KANSL1L: variants seen among roughly 807,000 people sequenced by gnomAD.
The protein encoded by KANSL1L is KAT8 regulatory NSL complex subunit 1 like.
A neutral mutation model predicts 108.6 loss-of-function variants in KANSL1L; 25 were observed. The ratio of observed to expected loss-of-function variants is 0.23; its 90% confidence interval spans 0.17 to 0.32. The LOEUF (loss-of-function observed/expected upper bound fraction) is 0.32, where lower values mean the gene tolerates loss of function less well. KANSL1L is among the 10% of genes least tolerant of loss of function. The pLI is 1.00. For missense variants in KANSL1L, 1,137 were observed against 1,125.7 expected, an observed-to-expected ratio of 1.01 and a Z score of -0.14; for synonymous variants, 405 against 395.1, an observed-to-expected ratio of 1.03 and a Z score of -0.30.
Position 210,022,838 on chromosome 2 carries a change from T to G in KANSL1L, c.*111A>C, listed in dbSNP as rs969324722. On this transcript the variant is annotated 3_prime_UTR_variant, in exon 15 of 15. Coordinates refer to ENST00000281772, the MANE Select transcript of KANSL1L (RefSeq NM_152519.4). ...CCTGTTTCATAAACAGCATAAAAGA[T>G]TAATACATGCAGAACATGCTCTTAT... 9 of 739,320 alleles carry G rather than the reference T, an allele frequency of 1.2e-5. No individual in the cohort carries two copies. In the African/African-American group the frequency reaches 1.6e-4, roughly 13 times the overall value. The allele number at this position is 739,320 out of a possible 1,614,324, so 45.8% of individuals were successfully genotyped here.
intron 3 of KANSL1L, among the ~76,000 whole-genome samples, chr2:210,105,672 A>T (rs1481890162): frequency 2.0e-5 from 3 of 151,840 alleles, no homozygotes; most frequent in Admixed American, 1.3e-4. Flanking sequence ...GCACATATTC[A>T]GTTATGGTAT....
chr2:210,112,131 C>T (rs536459763), intron 3 of KANSL1L, among the ~76,000 whole-genome samples: 2 of 152,170 alleles, frequency 1.3e-5, no homozygotes, highest in East Asian at 3.9e-4. Context: ...TCCAGACTAT[C>T]GTTGTTGGAC....
intron 3 of KANSL1L, among the ~76,000 whole-genome samples, chr2:210,110,582 T>C (rs2094894161): frequency 1.3e-5 from 2 of 152,114 alleles, no homozygotes; most frequent in Non-Finnish European, 2.9e-5. Context: ...AAGACAGAAT[T>C]AGCAAATTAA....
chr2:210,113,288 T>C (rs2094926028), intron 3 of KANSL1L, among the ~76,000 whole-genome samples: 1 of 152,072 alleles, frequency 6.6e-6, no homozygotes, highest in Non-Finnish European at 1.5e-5. Flanking sequence ...TTAAAACAAC[T>C]GCACCAATGG....
intron 1 of KANSL1L, among the ~76,000 whole-genome samples, chr2:210,161,409 T>C (rs1263500826): frequency 6.6e-6 from 1 of 152,222 alleles, no homozygotes; most frequent in Non-Finnish European, 1.5e-5. Flanking sequence ...ACGTATTTCA[T>C]ACCTTATATA....
intron 6 of KANSL1L, among the ~76,000 whole-genome samples, chr2:210,049,829 C>T (rs538077611): frequency 6.6e-6 from 1 of 152,308 alleles, no homozygotes; most frequent in Admixed American, 6.5e-5. Context: ...ATTTTCATTT[C>T]TGCCCATGAA....
At chr2:210,123,366 C>A (rs951685056) in intron 3 of KANSL1L, among the ~76,000 whole-genome samples, 3 of 152,038 alleles carry the variant, frequency 2.0e-5, no homozygotes, top group Non-Finnish European at 4.4e-5. Flanking sequence ...GACTGAGATC[C>A]TGTCATTTGC....
intron 4 of KANSL1L, among the ~76,000 whole-genome samples, chr2:210,099,844 T>C (rs2094775786): frequency 6.6e-6 from 1 of 152,096 alleles, no homozygotes; most frequent in Non-Finnish European, 1.5e-5. Flanking sequence ...ATATGGGGAA[T>C]AGAAAAGTCA....
At position 210,153,805 on chromosome 2, in the gene KANSL1L, G is replaced by C; in HGVS notation, c.778C>G (p.Gln260Glu). The C allele has an allele frequency of 6.2e-7, 1 of 1,613,222 alleles. No individual in the cohort carries two copies. Among genetic ancestry groups the C allele is most frequent in the Non-Finnish European group, 8.5e-7 (1 of 1,179,814 alleles). The change falls in exon 2 of 15, where the codon CAG (glutamine) becomes GAG (glutamate). Residue 260 changes from glutamine (Q) to glutamate (E), a missense_variant. By Grantham distance (29) the Gln-to-Glu change is conservative. Around this residue, in one of 3 missense-constraint regions of KANSL1L, gnomAD observed 556 missense variants for 537.7 expected, o/e 1.03. Coordinates refer to ENST00000281772, the MANE Select transcript of KANSL1L (RefSeq NM_152519.4). ...AKHVVKHYGQQMKLSMKHQLP... is the reference protein window; with the variant it reads ...AKHVVKHYGQEMKLSMKHQLP... Reference sequence around the variant, plus strand: ...TGATGTTTCATAGACAATTTCATCTGCTGACCATAGTGCTTAACAACATGC... The same window carrying C: ...TGATGTTTCATAGACAATTTCATCTCCTGACCATAGTGCTTAACAACATGC...
chr2:210,172,521 ATAAT>A (rs1293312026), upstream of KANSL1L, among the ~76,000 whole-genome samples: 1 of 152,240 alleles, frequency 6.6e-6, no homozygotes, highest in African/African-American at 2.4e-5. Context: ...TATTACTGAA[ATAAT>A]TTTTATGACC....
At chr2:210,080,128 AAC>A (rs796172479) in intron 5 of KANSL1L, 6 of 135,536 alleles carry the variant, frequency 4.4e-5, no homozygotes, top group East Asian at 2.2e-4. Flanking sequence ...GCCACCCTAC[AAC>A]ACACACACAC....
intron 2 of KANSL1L, among the ~76,000 whole-genome samples, chr2:210,145,740 G>A (rs528481208): frequency 1.3e-5 from 2 of 152,310 alleles, no homozygotes; most frequent in African/African-American, 4.8e-5. Flanking sequence ...GAGTAGCAAT[G>A]CAGCCAATGT....
rs554910174 is a variant in KANSL1L, at chr2:210,033,653, C to G, written c.2030-2107G>C. 3.4e-4 allele frequency among the ~76,000 whole-genome samples: 52 copies of G among 151,830 alleles called. No homozygotes were observed. In the East Asian group the frequency reaches 8.7e-3, roughly 26 times the overall value. ...CACGCCATTCTCCTGCCTCAGCCTC[C>G]CGAGTAGCTGGGACTACAGGTGGCT... On this transcript the variant is annotated intron_variant, in intron 8 of 14. Transcript: ENST00000281772.
At chr2:210,081,230 G>A (rs1262245655) in intron 5 of KANSL1L, among the ~76,000 whole-genome samples, 1 of 152,078 alleles carries the variant, frequency 6.6e-6, no homozygotes, top group Non-Finnish European at 1.5e-5. Flanking sequence ...TATTAATTCT[G>A]CCTCATTTTC....
chr2:210,092,386 C>T (rs2094699727), intron 5 of KANSL1L, among the ~76,000 whole-genome samples: 1 of 152,050 alleles, frequency 6.6e-6, no homozygotes, highest in South Asian at 2.1e-4. Context: ...TGGAACTTTT[C>T]TTCTAATACT....
chr2:210,072,006 T>C (rs2094511097), intron 6 of KANSL1L, among the ~76,000 whole-genome samples: 1 of 152,220 alleles, frequency 6.6e-6, no homozygotes, highest in Non-Finnish European at 1.5e-5. Context: ...CTTACATAAC[T>C]GCAAAAACAA....
chr2:210,050,582 G>A (rs990360195), intron 6 of KANSL1L, among the ~76,000 whole-genome samples: 2 of 151,650 alleles, frequency 1.3e-5, no homozygotes, highest in African/African-American at 2.4e-5. Context: ...AGTGGCAGGT[G>A]CGTGGTTCAC....
At position 210,053,485 on chromosome 2, in the gene KANSL1L, T is replaced by C. The variant is rs1206758395; in HGVS notation, c.1756-9381A>G. Among the ~76,000 whole-genome samples, 6 of 152,092 alleles carry C rather than the reference T, an allele frequency of 3.9e-5. No homozygotes were observed. In the East Asian group the frequency reaches 9.6e-4, roughly 24 times the overall value. On this transcript the variant is annotated intron_variant, in intron 6 of 14. Transcript: ENST00000281772. Reference sequence around the variant, plus strand: ...TGTGGCAGGCACCTGTAATCTCAGCTACTTGAGGGGCTGAGGCAGGAGAAT... The same window carrying C: ...TGTGGCAGGCACCTGTAATCTCAGCCACTTGAGGGGCTGAGGCAGGAGAAT...
In KANSL1L at chr2:210,132,784, G is replaced by C. The variant is rs554088671; in HGVS notation, c.1089-3612C>G. Among the ~76,000 whole-genome samples, 3 of 152,112 alleles carry C rather than the reference G, an allele frequency of 2.0e-5. No homozygotes were observed. In the South Asian group the frequency reaches 6.2e-4, roughly 32 times the overall value. On this transcript the variant is annotated intron_variant, in intron 2 of 14. Transcript: ENST00000281772. ...GAAGATATGGATCTGCTGTTCTCTT[G>C]TCATATTTGGTTTTGGAATCAAGCT...
Sources: allele counts gnomAD v4.1 joint callset (sites outside exome capture counted in the v4.1 genomes callset), GRCh38; gene constraint gnomAD v4.1.1; regional missense constraint gnomAD v4.1.1; transcripts MANE v1.5; gene names NCBI Gene and HGNC (gene_info 2026-07-23, HGNC 2026-07-21).